Variants in PDE6A observed in about 807,000 individuals in gnomAD.
The protein encoded by PDE6A is rod cGMP-specific 3',5'-cyclic phosphodiesterase subunit alpha.
Under a neutral mutation model 106.3 loss-of-function variants are expected in PDE6A, and 84 were observed. That is an observed-to-expected ratio of 0.79 (90% CI 0.66 to 0.95). The LOEUF is 0.95. PDE6A is among the 40% of genes least tolerant of loss of function. PDE6A has a pLI of 0.00. For synonymous variants in PDE6A, 394 were observed against 386.6 expected, an observed-to-expected ratio of 1.02 and a Z score of -0.23; for missense variants, 1,052 against 1,084.9, an observed-to-expected ratio of 0.97 and a Z score of 0.43.
intron 13 of PDE6A, among the ~76,000 whole-genome samples, chr5:149,890,998 A>G: frequency 6.6e-6 from 1 of 152,336 alleles, no homozygotes; most frequent in African/African-American, 2.4e-5. Context: ...TGAAATTGGT[A>G]TTTAAAAGGA....
At chr5:149,867,216 G>C (rs1016563122) in intron 19 of PDE6A, 6 of 189,824 alleles carry the variant, frequency 3.2e-5, no homozygotes, top group Non-Finnish European at 5.6e-5. Context: ...ACTTCGGGCT[G>C]CTCTTCCGAT....
chr5:149,876,302 A>G (rs1372359832), intron 17 of PDE6A, among the ~76,000 whole-genome samples: 1 of 150,690 alleles, frequency 6.6e-6, no homozygotes, highest in Non-Finnish European at 1.5e-5. Flanking sequence ...ATTTCTTGTT[A>G]CTAGACTGGA....
intron 13 of PDE6A, among the ~76,000 whole-genome samples, chr5:149,889,671 T>C (rs1350812922): frequency 1.3e-5 from 2 of 151,992 alleles, no homozygotes; most frequent in Non-Finnish European, 2.9e-5. Flanking sequence ...TCTGGGAGGC[T>C]GAGGCAAGCG....
intron 19 of PDE6A, 178 bp from the exon 20 acceptor site, chr5:149,866,431 A>G: frequency 1.7e-6 from 1 of 571,778 alleles, no homozygotes; most frequent in Non-Finnish European, 3.1e-6. Flanking sequence ...GGTGTAACCA[A>G]CCAAATCCAG....
chr5:149,877,836 G>T (rs1344611358), intron 17 of PDE6A, among the ~76,000 whole-genome samples: 1 of 152,176 alleles, frequency 6.6e-6, no homozygotes, highest in Non-Finnish European at 1.5e-5. Flanking sequence ...ACTGAACATG[G>T]ATTGCAGGAT....
rs55680278 is a variant in PDE6A at position 149,900,375 on chromosome 5, G to GTATATA, written c.1114-857_1114-852dup. On this transcript the variant is annotated intron_variant, in intron 8 of 21. Coordinates refer to ENST00000255266, the MANE Select transcript of PDE6A (RefSeq NM_000440.3). ...AGACTCCATCTCGAAAAATATATAT[G>GTATATA]TATATATATATATATATATATATCC... Among the ~76,000 whole-genome samples the GTATATA allele has an allele frequency of 3.5e-3, 290 of 82,638 alleles. 31 individuals are homozygous for GTATATA. Among genetic ancestry groups the GTATATA allele is most frequent in the Admixed American group, 5.7e-3 (31 of 5,466 alleles). The allele number at this position is 82,638 out of a possible 152,430, so 54.2% of individuals were successfully genotyped here.
intron 12 of PDE6A, among the ~76,000 whole-genome samples, chr5:149,895,507 A>ATGTTGTTGTTGT (rs3841534): frequency 3.3e-5 from 5 of 151,396 alleles, no homozygotes; most frequent in Non-Finnish European, 7.4e-5. Context: ...TACTAAGAAG[A>ATGTTGTTGTTGT]TGTTGTTGTT....
At chr5:149,865,269 ATGTGGTGGTGTGCACC>A (rs1760287196) in intron 20 of PDE6A, among the ~76,000 whole-genome samples, 1 of 148,220 alleles carries the variant, frequency 6.7e-6, no homozygotes. Context: ...ATTTAGCTGG[ATGTGGTGGTGTGCACC>A]TGTGGTCCCA....
Position 149,896,788 on chromosome 5 carries a change from C to T in PDE6A, c.1408-12G>A. The T allele has an allele frequency of 1.2e-6, 2 of 1,613,980 alleles. No individual in the cohort carries two copies. The highest frequency in any genetic ancestry group is 2.2e-5 in the East Asian group (1 of 44,888). ...ACCTCTCTGGTTTTCTGCCAGGACC[C>T]AAAATGGCAGGGGAAAAAAAATAGG... On this transcript the variant is annotated splice_polypyrimidine_tract_variant and intron_variant, in intron 10 of 21. Transcript: ENST00000255266.
chr5:149,909,053 G>GTCTTACTGTGTTGTCCAGGCTGT (rs1399826754), intron 6 of PDE6A, among the ~76,000 whole-genome samples: 20 of 151,818 alleles, frequency 1.3e-4, no homozygotes, highest in Non-Finnish European at 2.5e-4. Flanking sequence ...TCAAGATAGG[G>GTCTTACTGTGTTGTCCAGGCTGT]TCTTACTGTG....
chr5:149,876,349 CTTTTTT>C (rs896643767), intron 17 of PDE6A, among the ~76,000 whole-genome samples: 1 of 120,122 alleles, frequency 8.3e-6, no homozygotes, highest in Non-Finnish European at 1.8e-5. Context: ...CATTTTTCCT[CTTTTTT>C]TTTTTTTTTT....
chr5:149,944,748 A>G lies in PDE6A; in HGVS notation c.-75T>C, dbSNP rs1022570491. 8 of 1,215,632 alleles carry G rather than the reference A, an allele frequency of 6.6e-6. No individual in the cohort carries two copies. In the African/African-American group the frequency reaches 1.0e-4, roughly 16 times the overall value. The allele number at this position is 1,215,632 out of a possible 1,614,324, so 75.3% of individuals were successfully genotyped here. A position where few individuals can be genotyped will look rare whatever the true frequency, so the allele number is the denominator to read the frequency against. ...TCCAATGGCAGTTTTGCAGTCTGCA[A>G]CAAGTCCAGTCTGGACTTCTCTGGG... On this transcript the variant is annotated 5_prime_UTR_variant, in exon 1 of 22. Coordinates refer to ENST00000255266, the MANE Select transcript of PDE6A (RefSeq NM_000440.3).
chr5:149,903,317 T>G (rs1753056443), intron 8 of PDE6A, among the ~76,000 whole-genome samples: 1 of 149,870 alleles, frequency 6.7e-6, no homozygotes, highest in South Asian at 2.1e-4. Context: ...CAATATTGTA[T>G]AATTGTATAC....
At chr5:149,892,907 G>A (rs912533120) in intron 13 of PDE6A, among the ~76,000 whole-genome samples, 5 of 152,134 alleles carry the variant, frequency 3.3e-5, no homozygotes, top group African/African-American at 1.2e-4. Context: ...GGATTGCCTT[G>A]GTCAAAGGTA....
intron 6 of PDE6A, among the ~76,000 whole-genome samples, chr5:149,909,098 C>T (rs1311393662): frequency 3.3e-5 from 5 of 152,038 alleles, no homozygotes; most frequent in African/African-American, 4.8e-5. Flanking sequence ...TGGCTTTAAG[C>T]AATCCTCCCA....
In PDE6A at chr5:149,903,690, G is replaced by A. The variant is rs766530625; in HGVS notation, c.1071C>T (p.Cys357=). The change falls in exon 8 of 22, where the codon TGC becomes TGT. Residue 357 remains cysteine (C), a synonymous_variant. Coordinates refer to ENST00000255266, the MANE Select transcript of PDE6A (RefSeq NM_000440.3). ...CCTCCGCAGGCGCATTCATGATGTT[G>A]CAAATCTGAGAGCAGTGAAGGGGAA... ...PAYVAQNGLI[C]NIMNAPAEDF... 3 of 1,613,412 alleles carry A rather than the reference G, an allele frequency of 1.9e-6. No homozygotes were observed.
intron 20 of PDE6A, 94 bp downstream of exon 20, chr5:149,866,076 G>A: frequency 1.1e-6 from 1 of 875,360 alleles, no homozygotes; most frequent in Non-Finnish European, 1.9e-6. Flanking sequence ...ATCACCCACT[G>A]GTCACCTGCT....
At chr5:149,939,211 C>A (rs1010536649) in intron 1 of PDE6A, among the ~76,000 whole-genome samples, 2 of 152,130 alleles carry the variant, frequency 1.3e-5, no homozygotes, top group Admixed American at 1.3e-4. Flanking sequence ...TGACTCAGGC[C>A]CCAAAAGTTT....
intron 13 of PDE6A, among the ~76,000 whole-genome samples, chr5:149,892,376 G>C (rs184939411): frequency 4.9e-4 from 75 of 152,124 alleles, no homozygotes; most frequent in Admixed American, 3.5e-3. Context: ...AATCTCCAGA[G>C]ACTTTTCTGG....
Sources: gnomAD v4.1 joint callset for allele counts (sites outside exome capture counted in the v4.1 genomes callset) on GRCh38, gnomAD v4.1.1 for gene constraint, MANE v1.5 for transcripts, NCBI Gene and HGNC (gene_info 2026-07-23, HGNC 2026-07-21) for gene names.